MYO9A: variants seen among roughly 807,000 people sequenced by gnomAD.
MYO9A encodes the protein myosin IXA.
A neutral mutation model predicts 293.3 loss-of-function variants in MYO9A; 103 were observed. That is an observed-to-expected ratio of 0.35 (90% CI 0.30 to 0.41). The LOEUF (loss-of-function observed/expected upper bound fraction) is 0.41, where lower values mean the gene tolerates loss of function less well. Among genes scored for constraint, MYO9A ranks in the 10% least tolerant of loss-of-function variants. The pLI, the probability that MYO9A is intolerant of heterozygous loss-of-function variation, is 1.00. For synonymous variants in MYO9A, 1,001 were observed against 1,035.7 expected, an observed-to-expected ratio of 0.97 and a Z score of 0.64; for missense variants, 2,685 against 3,033.0, an observed-to-expected ratio of 0.89 and a Z score of 2.69.
intron 1 of MYO9A, among the ~76,000 whole-genome samples, chr15:72,100,580 A>C (rs1282136879): frequency 2.9e-5 from 4 of 138,544 alleles, no homozygotes; most frequent in Non-Finnish European, 4.6e-5. Flanking sequence ...GCCGCCCATC[A>C]TCTGAGATGT....
intron 6 of MYO9A, among the ~76,000 whole-genome samples, chr15:72,017,879 A>T (rs2077390207): frequency 6.6e-6 from 1 of 152,102 alleles, no homozygotes. Flanking sequence ...AAAACTTAAG[A>T]AAAAAATTTT....
At chr15:72,074,869 G>A (rs547888119) in intron 1 of MYO9A, among the ~76,000 whole-genome samples, 1 of 146,192 alleles carries the variant, frequency 6.8e-6, no homozygotes, top group South Asian at 2.2e-4. Flanking sequence ...AGAATTAATA[G>A]TTTAGTCCCT....
intron 12 of MYO9A, among the ~76,000 whole-genome samples, chr15:71,976,010 G>A (rs1003125527): frequency 6.6e-6 from 1 of 152,136 alleles, no homozygotes; most frequent in African/African-American, 2.4e-5. Flanking sequence ...TCTGCAAGCT[G>A]CTCGGGCAAA....
chr15:71,957,539 G>T (rs1165799505), intron 14 of MYO9A, among the ~76,000 whole-genome samples: 1 of 151,800 alleles, frequency 6.6e-6, no homozygotes, highest in East Asian at 1.9e-4. Context: ...GAAGAATTGT[G>T]TACAGAGTAC....
chr15:72,071,424 G>A (rs1427569962), intron 1 of MYO9A, among the ~76,000 whole-genome samples: 1 of 152,086 alleles, frequency 6.6e-6, no homozygotes, highest in Admixed American at 6.6e-5. Flanking sequence ...GGAACAAAAG[G>A]GAACACTCAC....
At chr15:71,905,311 A>G (rs143842732) in intron 19 of MYO9A, among the ~76,000 whole-genome samples, 1,875 of 152,286 alleles carry the variant, frequency 0.012, 56 homozygotes, top group Admixed American at 0.058. Context: ...ATTTTATTCA[A>G]ACTCATGTAT....
intron 1 of MYO9A, among the ~76,000 whole-genome samples, chr15:72,101,412 T>C (rs969507709): frequency 1.5e-5 from 2 of 131,990 alleles, no homozygotes; most frequent in African/African-American, 5.8e-5. Context: ...CCGCCCCTAC[T>C]GGGAAGTGAG....
At chr15:72,077,733 G>GAAAAA (rs60518266) in intron 1 of MYO9A, among the ~76,000 whole-genome samples, 2 of 87,410 alleles carry the variant, frequency 2.3e-5, no homozygotes, top group African/African-American at 8.2e-5. Context: ...CTGTCTCAAA[G>GAAAAA]AAAAAAAAAA....
intron 14 of MYO9A, among the ~76,000 whole-genome samples, chr15:71,956,099 G>C (rs2059169692): frequency 6.6e-6 from 1 of 150,658 alleles, no homozygotes; most frequent in Non-Finnish European, 1.5e-5. Context: ...AAGGCCAGGA[G>C]TTCAAGACCA....
At chr15:71,875,859 A>G in intron 31 of MYO9A, 21 bp from the exon 32 acceptor site, 1 of 1,311,530 alleles carries the variant, frequency 7.6e-7, no homozygotes, top group South Asian at 2.3e-5. Flanking sequence ...GACAGGAGAT[A>G]TATGGAAATT....
chr15:72,049,832 A>C (rs1468648523), intron 1 of MYO9A, among the ~76,000 whole-genome samples: 1 of 152,192 alleles, frequency 6.6e-6, no homozygotes, highest in Non-Finnish European at 1.5e-5. Context: ...TCTGTGGAAA[A>C]ATTTTCATCT....
At chr15:72,006,253 TTTTTTG>T (rs1332675425) in intron 8 of MYO9A, among the ~76,000 whole-genome samples, 2 of 151,362 alleles carry the variant, frequency 1.3e-5, no homozygotes, top group Admixed American at 6.6e-5. Flanking sequence ...TTTGTGTTTT[TTTTTTG>T]TTGTTGTTGT....
At position 72,118,137 on chromosome 15, in the gene MYO9A, G is replaced by C. The variant is rs2081075488; in HGVS notation, c.-529C>G. 2.6e-6 allele frequency: 1 copy of C among 378,338 alleles called. No individual in the cohort carries two copies. 23.4% of individuals were successfully genotyped at this position (378,338 alleles called of 1,614,324 possible). ...CGCGCGACTCCCCGGCTGCAGGCGA[G>C]CAGGCGCGCGCGCACTTACCTCCCA... On this transcript the variant is annotated 5_prime_UTR_variant, in exon 1 of 42. Transcript: ENST00000356056.
intron 15 of MYO9A, chr15:71,950,155 G>A (rs1041539151): frequency 4.0e-5 from 6 of 151,844 alleles, no homozygotes; most frequent in African/African-American, 1.5e-4. Context: ...ACAGTTTTAC[G>A]TATAATAAAA....
rs763689806 is a variant in MYO9A, at chr15:72,092,014, C to T, written c.-72+25666G>A. Among the ~76,000 whole-genome samples, 107 of 151,998 alleles carry T rather than the reference C, an allele frequency of 7.0e-4. 2 individuals carry two copies. Among genetic ancestry groups the T allele is most frequent in the Non-Finnish European group, 3.1e-4 (21 of 68,010 alleles). Reference sequence around the variant, plus strand: ...TACAGGTGTTAGCCATCGCGCCCGGCGAAAAATATATATTCTTAAAAGCCT... The same window carrying T: ...TACAGGTGTTAGCCATCGCGCCCGGTGAAAAATATATATTCTTAAAAGCCT... On this transcript the variant is annotated intron_variant, in intron 1 of 41. Coordinates refer to ENST00000356056, the MANE Select transcript of MYO9A (RefSeq NM_006901.4).
intron 14 of MYO9A, chr15:71,958,683 A>T (rs1223889684): frequency 6.6e-6 from 1 of 152,190 alleles, no homozygotes; most frequent in African/African-American, 2.4e-5. Context: ...TATGTTGAAT[A>T]CAAATTTTCA....
At chr15:71,917,348 A>G (rs1428703912) in intron 18 of MYO9A, among the ~76,000 whole-genome samples, 1 of 152,114 alleles carries the variant, frequency 6.6e-6, no homozygotes, top group African/African-American at 2.4e-5. Context: ...CAGCCTGGCT[A>G]ACACAGTGAA....
At position 71,860,969 on chromosome 15, in the gene MYO9A, C is replaced by CAAAAAAAAAAA. The variant is rs61030744; in HGVS notation, c.6092-1184_6092-1174dup. 1.8e-3 allele frequency among the ~76,000 whole-genome samples: 59 copies of CAAAAAAAAAAA among 32,420 alleles called. 1 individual carries two copies. Among genetic ancestry groups the CAAAAAAAAAAA allele is most frequent in the African/African-American group, 6.1e-3 (55 of 9,024 alleles). 21.3% of individuals were successfully genotyped at this position (32,420 alleles called of 152,430 possible). A position where few individuals can be genotyped will look rare whatever the true frequency, so the allele number is the denominator to read the frequency against. The stretch of plus-strand genomic sequence containing the variant: ...GCAACAAAGTTAGACTCCATCTCAC[C>CAAAAAAAAAAA]AAAAAAAAAAAAAAAAAAAAAAAAA... On this transcript the variant is annotated intron_variant, in intron 33 of 41. Transcript: ENST00000356056.
intron 12 of MYO9A, among the ~76,000 whole-genome samples, chr15:71,969,443 A>G (rs1271178089): frequency 6.6e-6 from 1 of 152,220 alleles, no homozygotes; most frequent in African/African-American, 2.4e-5. Context: ...ATTTTCCTAT[A>G]ATAGTGCTTT....
Sources: allele counts gnomAD v4.1 joint callset (sites outside exome capture counted in the v4.1 genomes callset), GRCh38; gene constraint gnomAD v4.1.1; transcripts MANE v1.5; gene names NCBI Gene and HGNC (gene_info 2026-07-23, HGNC 2026-07-21).